The following FAM178B variants were observed in gnomAD, a reference collection of about 807,000 sequenced individuals.
FAM178B encodes the protein family with sequence similarity 178 member B.
A neutral mutation model predicts 91.7 loss-of-function variants in FAM178B; 82 were observed. The ratio of observed to expected loss-of-function variants is 0.89; its 90% confidence interval spans 0.75 to 1.07. The LOEUF is 1.07. Ranked by LOEUF, FAM178B falls within the 50% of genes least tolerant of loss-of-function variation. FAM178B has a pLI of 0.00. For missense variants in FAM178B, 769 were observed against 846.7 expected (o/e 0.91, Z 1.14); for synonymous variants, 368 against 359.4 (o/e 1.02, Z -0.27).
chr2:96,898,758 G>C (rs2080870015), intron 13 of FAM178B, among the ~76,000 whole-genome samples: 1 of 152,220 alleles, frequency 6.6e-6, no homozygotes, highest in South Asian at 2.1e-4. Flanking sequence ...GGGCTGCTAG[G>C]AGGGGCGAGC....
At chr2:96,901,067 G>C (rs1241942286) in intron 13 of FAM178B, among the ~76,000 whole-genome samples, 1 of 152,108 alleles carries the variant, frequency 6.6e-6, no homozygotes, top group African/African-American at 2.4e-5. Context: ...TGGGCTGCCA[G>C]TGACCCCTTC....
chr2:96,876,243 C>G lies in FAM178B; in HGVS notation c.*33G>C, dbSNP rs755471840. 12 of 1,601,914 alleles carry G rather than the reference C, an allele frequency of 7.5e-6. No individual in the cohort carries two copies. In the South Asian group the frequency reaches 1.1e-4, roughly 15 times the overall value. ...TGAGCCTGTTCACTTCCTGCTGAAG[C>G]CAGGAGCCCTGGGCTGCCCTGACCC... On this transcript the variant is annotated 3_prime_UTR_variant, in exon 17 of 17. Transcript: ENST00000490605.
rs60102987 is a variant in FAM178B at position 96,930,210 on chromosome 2, C to CAAAAAA, written c.1079-896_1079-891dup. 7.9e-4 allele frequency among the ~76,000 whole-genome samples: 31 copies of CAAAAAA among 39,490 alleles called. 1 individual carries two copies. Among genetic ancestry groups the CAAAAAA allele is most frequent in the African/African-American group, 4.1e-3 (30 of 7,406 alleles). 25.9% of individuals were successfully genotyped at this position (39,490 alleles called of 152,430 possible). Reference sequence around the variant, plus strand: ...GTGACAGAGCGAGACTCCGTCTCTCCAAAAAAAAAAAAAAAAAAAAAAAAA... The same window carrying CAAAAAA: ...GTGACAGAGCGAGACTCCGTCTCTCCAAAAAAAAAAAAAAAAAAAAAAAAAAAAAAA... On this transcript the variant is annotated intron_variant, in intron 8 of 16. Coordinates refer to ENST00000490605, the MANE Select transcript of FAM178B (RefSeq NM_001122646.3).
intron 5 of FAM178B, among the ~76,000 whole-genome samples, chr2:96,964,485 G>A (rs907098322): frequency 3.9e-5 from 6 of 152,126 alleles, no homozygotes; most frequent in African/African-American, 1.4e-4. Context: ...GAGACGGGGT[G>A]TATTGCCTGA....
chr2:96,937,760 T>C (rs1345887977), intron 8 of FAM178B, among the ~76,000 whole-genome samples: 1 of 152,134 alleles, frequency 6.6e-6, no homozygotes, highest in African/African-American at 2.4e-5. Flanking sequence ...GCGCGGGGGC[T>C]CACATCTATA....
intron 13 of FAM178B, among the ~76,000 whole-genome samples, chr2:96,900,764 G>A (rs6721921): frequency 0.18 from 27,101 of 151,944 alleles, 2,996 homozygotes; most frequent in African/African-American, 0.31. Context: ...GGCCGAAGCC[G>A]CTCAGACAAC....
chr2:96,877,987 C>A lies in FAM178B; in HGVS notation c.1910G>T (p.Arg637Leu), dbSNP rs746686843. ...GCGGTGCATGGCCTGGGGGCTCTCCCGGATCTGCGTGCTGATGTGGCGGTC... is the reference window on the plus strand; with the variant it reads ...GCGGTGCATGGCCTGGGGGCTCTCCAGGATCTGCGTGCTGATGTGGCGGTC... ...QLDRHISTQI[R>L]ESPQAMHRTM... The change falls in exon 16 of 17, where the codon CGG becomes CTG. Residue 637 changes from arginine (R) to leucine (L), a missense_variant. Coordinates refer to ENST00000490605, the MANE Select transcript of FAM178B (RefSeq NM_001122646.3). 6 of 1,613,390 alleles carry A rather than the reference C, an allele frequency of 3.7e-6. 1 individual carries two copies. The highest frequency in any genetic ancestry group is 3.3e-4 in the Middle Eastern group (2 of 6,042).
intron 12 of FAM178B, among the ~76,000 whole-genome samples, chr2:96,905,892 A>C (rs2081045725): frequency 1.6e-5 from 1 of 60,998 alleles, no homozygotes; most frequent in Non-Finnish European, 3.0e-5. Flanking sequence ...TTTTTTTGAG[A>C]TGGAGTTTCT....
intron 13 of FAM178B, among the ~76,000 whole-genome samples, chr2:96,898,710 A>C (rs764158391): frequency 1.2e-4 from 19 of 152,264 alleles, no homozygotes; most frequent in South Asian, 2.1e-4. Context: ...AAGTTCCCCT[A>C]TCTGTAAAAT....
intron 13 of FAM178B, 35 bp from the exon 14 acceptor site, chr2:96,894,086 G>C: frequency 6.3e-7 from 1 of 1,577,662 alleles, no homozygotes; most frequent in Non-Finnish European, 8.6e-7. Flanking sequence ...ACTCACAGAG[G>C]GTGGTGGCCA....
intron 8 of FAM178B, among the ~76,000 whole-genome samples, chr2:96,936,295 G>A (rs1215150673): frequency 2.0e-5 from 3 of 152,094 alleles, no homozygotes; most frequent in Admixed American, 6.5e-5. Context: ...TCCACCTCCC[G>A]GGTTCACACC....
At chr2:96,918,980 G>C (rs376641693) in intron 12 of FAM178B, among the ~76,000 whole-genome samples, 1 of 152,142 alleles carries the variant, frequency 6.6e-6, no homozygotes, top group Non-Finnish European at 1.5e-5. Context: ...CCTCTCACGC[G>C]GGCTCTCTTA....
intron 14 of FAM178B, among the ~76,000 whole-genome samples, chr2:96,879,021 A>G (rs910473197): frequency 6.6e-6 from 1 of 152,234 alleles, no homozygotes; most frequent in Non-Finnish European, 1.5e-5. Context: ...GCACACTCTC[A>G]GCAGTGAAAA....
chr2:96,917,621 TGA>T (rs2081263353), intron 12 of FAM178B, among the ~76,000 whole-genome samples: 1 of 152,154 alleles, frequency 6.6e-6, no homozygotes, highest in African/African-American at 2.4e-5. Context: ...TTTGGGAGGC[TGA>T]AGTGGGAAGA....
chr2:96,909,560 G>A (rs1194267533), intron 12 of FAM178B, among the ~76,000 whole-genome samples: 1 of 152,176 alleles, frequency 6.6e-6, no homozygotes, highest in Admixed American at 6.5e-5. Context: ...GGCCCTGGGG[G>A]TTGTCAATGT....
chr2:96,978,150 C>T (rs769539002), intron 1 of FAM178B, among the ~76,000 whole-genome samples: 6 of 152,204 alleles, frequency 3.9e-5, no homozygotes, highest in Non-Finnish European at 8.8e-5. Flanking sequence ...CATCCTAGCA[C>T]TCAGCCCATG....
intron 13 of FAM178B, among the ~76,000 whole-genome samples, chr2:96,896,358 T>C (rs1342700543): frequency 6.6e-6 from 1 of 152,212 alleles, no homozygotes; most frequent in African/African-American, 2.4e-5. Flanking sequence ...GTTTATTCCC[T>C]TTTGTTTCCA....
chr2:96,912,453 G>T (rs13421281), intron 12 of FAM178B, among the ~76,000 whole-genome samples: 13,215 of 151,952 alleles, frequency 0.087, 1,816 homozygotes, highest in African/African-American at 0.3. Flanking sequence ...GAGGGCTGGT[G>T]GGGGAGGGGT....
intron 1 of FAM178B, chr2:96,977,688 A>G (rs1159958360): frequency 5.3e-6 from 2 of 378,812 alleles, no homozygotes; most frequent in Non-Finnish European, 1.1e-5. Flanking sequence ...CAAAGGCTGC[A>G]CGCAATGGGG....
Sources: allele counts gnomAD v4.1 joint callset (sites outside exome capture counted in the v4.1 genomes callset), GRCh38; gene constraint gnomAD v4.1.1; transcripts MANE v1.5; gene names NCBI Gene and HGNC (gene_info 2026-07-23, HGNC 2026-07-21).